Variants in AP1B1 observed in about 807,000 individuals in gnomAD.
AP1B1 encodes AP-1 complex subunit beta-1.
AP1B1 carries 36 observed loss-of-function variants against 104.3 expected under a neutral mutation model. The observed-to-expected ratio is 0.35, with a 90% CI of 0.26 to 0.46. AP1B1 has a LOEUF of 0.46. Ranked by LOEUF, AP1B1 falls within the 20% of genes least tolerant of loss-of-function variation. The probability of loss-of-function intolerance (pLI) is 1.00; values close to 1 mark genes in which losing one functional copy is unlikely to be tolerated. For synonymous variants in AP1B1, 504 were observed against 517.5 expected (o/e 0.97, Z 0.35); for missense variants, 901 against 1,247.9 (o/e 0.72, Z 4.19).
chr22:29,370,339 G>A (rs1175183027), intron 1 of AP1B1, among the ~76,000 whole-genome samples: 1 of 151,836 alleles, frequency 6.6e-6, no homozygotes, highest in Non-Finnish European at 1.5e-5. Context: ...TGTAGTCCCA[G>A]CTACTCGGGA....
At chr22:29,362,729 G>C (rs1187775471) in intron 3 of AP1B1, among the ~76,000 whole-genome samples, 1 of 152,192 alleles carries the variant, frequency 6.6e-6, no homozygotes, top group Admixed American at 6.5e-5. Context: ...TGGAGTTTCT[G>C]AGAGGGTTCA....
chr22:29,328,414 T>G lies in AP1B1; in HGVS notation c.*407A>C, dbSNP rs909819405. 4 of 178,498 alleles carry G rather than the reference T, an allele frequency of 2.2e-5. No individual in the cohort carries two copies. The highest frequency in any genetic ancestry group is 9.5e-5 in the African/African-American group (4 of 42,152). 11.1% of individuals were successfully genotyped at this position (178,498 alleles called of 1,614,324 possible). On this transcript the variant is annotated 3_prime_UTR_variant, in exon 23 of 23. Transcript: ENST00000357586. This position sits in a 1 kb window ranked among gnomAD's most constrained non-coding sequence, Gnocchi z 4.1. ...ACCCAGGCCAGGTTGGCAGGGTCCATCCCATGAGAGGTGGCAGTGGAGGGC... is the reference window on the plus strand; with the variant it reads ...ACCCAGGCCAGGTTGGCAGGGTCCAGCCCATGAGAGGTGGCAGTGGAGGGC...
intron 16 of AP1B1, among the ~76,000 whole-genome samples, chr22:29,336,895 G>A (rs1358784463): frequency 6.6e-6 from 1 of 151,940 alleles, no homozygotes; most frequent in African/African-American, 2.4e-5. Flanking sequence ...CAGCTCTGCA[G>A]TGCCTGGCAA....
At position 29,349,455 on chromosome 22, in the gene AP1B1, G is replaced by T. The variant is rs111719344; in HGVS notation, c.1272-72C>A. 324 of 1,550,444 alleles carry T rather than the reference G, an allele frequency of 2.1e-4. 1 individual carries two copies. The African/African-American group carries it at 3.6e-3, about 17-fold the overall frequency. On this transcript the variant is annotated intron_variant, in intron 10 of 22. Coordinates refer to ENST00000357586, the MANE Select transcript of AP1B1 (RefSeq NM_001127.4). Reference sequence around the variant, plus strand: ...GGAAACCCAGGGAAGCCAGACAGGGGCCAGGAGGGAAGGGGACCTGCCTCC... The same window carrying T: ...GGAAACCCAGGGAAGCCAGACAGGGTCCAGGAGGGAAGGGGACCTGCCTCC...
chr22:29,380,950 C>T (rs545892548), intron 1 of AP1B1, among the ~76,000 whole-genome samples: 5 of 152,084 alleles, frequency 3.3e-5, no homozygotes, highest in Non-Finnish European at 7.4e-5. Flanking sequence ...GATGCATGCC[C>T]CTCCTCTCTC....
At chr22:29,329,614 G>C (rs2061526696) in intron 22 of AP1B1, 98 bp downstream of exon 22, 1 of 1,579,878 alleles carries the variant, frequency 6.3e-7, no homozygotes, top group Admixed American at 1.8e-5. Flanking sequence ...GTGAGGCCAA[G>C]AGATGAGGTG....
At chr22:29,384,636 G>A (rs899773530) in intron 1 of AP1B1, among the ~76,000 whole-genome samples, 2 of 152,120 alleles carry the variant, frequency 1.3e-5, no homozygotes, top group African/African-American at 4.8e-5. Context: ...GGGAGGCCGA[G>A]GCAGGCGGGT....
chr22:29,339,719 G>GTC, intron 15 of AP1B1, 35 bp downstream of exon 15: 1 of 1,607,760 alleles, frequency 6.2e-7, no homozygotes, highest in Non-Finnish European at 8.5e-7. Flanking sequence ...GAGGAGCAAG[G>GTC]ACGAAGGCTT....
At chr22:29,381,437 T>C (rs1360975342) in intron 1 of AP1B1, among the ~76,000 whole-genome samples, 2 of 152,170 alleles carry the variant, frequency 1.3e-5, no homozygotes, top group Non-Finnish European at 2.9e-5. Context: ...AGGTGTTCAA[T>C]AAGTAGCTGA....
chr22:29,342,252 T>C (rs368019332), intron 12 of AP1B1, 33 bp downstream of exon 12: 124 of 1,569,992 alleles, frequency 7.9e-5, no homozygotes, highest in Admixed American at 3.2e-4. Context: ...GTGAGGGCTA[T>C]GCTGGGCACA....
Position 29,341,612 on chromosome 22 carries a change from T to C in AP1B1, c.1685A>G (p.Glu562Gly). 1 of 1,614,176 alleles carries C rather than the reference T, an allele frequency of 6.2e-7. No homozygotes were observed. Among genetic ancestry groups the C allele is most frequent in the South Asian group, 1.1e-5 (1 of 91,078 alleles). The change falls in exon 13 of 23, where the codon GAG becomes GGG. Residue 562 changes from glutamate to glycine, a missense_variant. By Grantham distance (98) the Glu-to-Gly change is moderately conservative. Around this residue, in one of 3 missense-constraint regions of AP1B1, gnomAD observed 471 missense variants for 696.7 expected, o/e 0.68. Coordinates refer to ENST00000357586, the MANE Select transcript of AP1B1 (RefSeq NM_001127.4). ...CAGCGTGCCGATGTAGCAGATAAGCTCGTCTAACAGTGTGGGCTCGATGAG... is the reference window on the plus strand; with the variant it reads ...CAGCGTGCCGATGTAGCAGATAAGCCCGTCTAACAGTGTGGGCTCGATGAG... ...TDLIEPTLLDELICYIGTLAS... is the reference protein window; with the variant it reads ...TDLIEPTLLDGLICYIGTLAS...
chr22:29,349,921 T>A (rs2061848031), intron 10 of AP1B1, 114 bp downstream of exon 10: 10 of 853,666 alleles, frequency 1.2e-5, no homozygotes, highest in Non-Finnish European at 1.7e-5. Context: ...CTTTTGAGAA[T>A]GACGCTTGTG....
At chr22:29,376,228 C>T (rs570097461) in intron 1 of AP1B1, among the ~76,000 whole-genome samples, 10 of 152,278 alleles carry the variant, frequency 6.6e-5, no homozygotes, top group African/African-American at 2.4e-4. Context: ...CTCCAAATGG[C>T]CAGCCAATGT....
intron 1 of AP1B1, among the ~76,000 whole-genome samples, chr22:29,383,289 C>T (rs1216469898): frequency 6.6e-6 from 1 of 152,178 alleles, no homozygotes; most frequent in Non-Finnish European, 1.5e-5. Context: ...TTATTCTGCT[C>T]CCAATAGGCT....
chr22:29,380,921 G>C (rs1048598999), intron 1 of AP1B1, among the ~76,000 whole-genome samples: 2 of 152,090 alleles, frequency 1.3e-5, no homozygotes, highest in Non-Finnish European at 2.9e-5. Flanking sequence ...TGGCCTCATA[G>C]CCCACAGGTC....
intron 11 of AP1B1, among the ~76,000 whole-genome samples, chr22:29,344,360 G>A (rs575490694): frequency 5.3e-5 from 8 of 152,032 alleles, no homozygotes; most frequent in African/African-American, 7.2e-5. Context: ...TCAACAATCC[G>A]TTCCAGTTCC....
At chr22:29,359,728 C>T in intron 4 of AP1B1, 96 bp downstream of exon 4, 1 of 1,492,468 alleles carries the variant, frequency 6.7e-7, no homozygotes, top group Non-Finnish European at 9.0e-7. Context: ...AAGGTCTGGA[C>T]TCCATCCAGT....
chr22:29,331,367 C>T (rs1436381103), intron 19 of AP1B1, 82 bp downstream of exon 19: 6 of 1,370,262 alleles, frequency 4.4e-6, no homozygotes, highest in Non-Finnish European at 6.2e-6. Flanking sequence ...TCCATCTGGA[C>T]CTTGGTAAAG....
At chr22:29,356,876 C>G (rs185293891) in intron 5 of AP1B1, among the ~76,000 whole-genome samples, 266 of 152,304 alleles carry the variant, frequency 1.7e-3, no homozygotes, top group African/African-American at 6.2e-3. Flanking sequence ...AGAAAGCATT[C>G]TCAGCTTCCT....
Sources: gnomAD v4.1 joint callset for allele counts (sites outside exome capture counted in the v4.1 genomes callset) on GRCh38, gnomAD v4.1.1 for gene constraint, gnomAD v4.1.1 regional missense constraint, Gnocchi (gnomAD v3.1) non-coding constraint, MANE v1.5 for transcripts, NCBI Gene and HGNC (gene_info 2026-07-23, HGNC 2026-07-21) for gene names.